UIMC1: variants seen among roughly 807,000 people sequenced by gnomAD.
UIMC1 encodes the protein ubiquitin interaction motif containing 1.
In UIMC1, 42 loss-of-function variants were observed where a neutral mutation model predicts 84.9. The observed-to-expected ratio is 0.49, with a 90% CI of 0.39 to 0.64. UIMC1 has a LOEUF of 0.64. Among genes scored for constraint, UIMC1 ranks in the 30% least tolerant of loss-of-function variants. UIMC1 has a pLI of 0.00. For missense variants in UIMC1, 825 were observed against 847.6 expected, an observed-to-expected ratio of 0.97 and a Z score of 0.33; for synonymous variants, 281 against 293.0, an observed-to-expected ratio of 0.96 and a Z score of 0.42.
intron 1 of UIMC1, among the ~76,000 whole-genome samples, chr5:177,005,650 T>C (rs1448582328): frequency 1.3e-5 from 2 of 152,030 alleles, no homozygotes; most frequent in African/African-American, 4.8e-5. Flanking sequence ...GGCTGAGAGT[T>C]GAAGCTGAAT....
chr5:176,912,660 A>T (rs976867509), intron 10 of UIMC1, among the ~76,000 whole-genome samples: 1 of 148,080 alleles, frequency 6.8e-6, no homozygotes, highest in Non-Finnish European at 1.5e-5. Flanking sequence ...TTGTATTTTT[A>T]AATTTTTATT....
At position 176,994,562 on chromosome 5, in the gene UIMC1, T is replaced by C. The variant is rs1773316527; in HGVS notation, c.-8-11939A>G. On this transcript the variant is annotated intron_variant, in intron 1 of 14. Coordinates refer to ENST00000511320, the MANE Select transcript of UIMC1 (RefSeq NM_001199298.2). ...ACTGTCATGTAAGCCAGTCATTCTG[T>C]TGCAGGAATCTGGAGACTGGAGAGA... Among the ~76,000 whole-genome samples, 2 of 151,332 alleles carry C rather than the reference T, an allele frequency of 1.3e-5. 1 individual carries two copies. The highest frequency in any genetic ancestry group is 4.9e-5 in the African/African-American group (2 of 41,160).
chr5:176,991,940 A>G (rs1267609423), intron 1 of UIMC1, among the ~76,000 whole-genome samples: 2 of 151,956 alleles, frequency 1.3e-5, no homozygotes, highest in African/African-American at 2.4e-5. Context: ...TCAAAAAAAG[A>G]AAGACCCCAC....
At chr5:176,937,660 A>C (rs2149434036) in intron 10 of UIMC1, among the ~76,000 whole-genome samples, 1 of 152,372 alleles carries the variant, frequency 6.6e-6, no homozygotes, top group East Asian at 1.9e-4. Flanking sequence ...ATTTAATGAT[A>C]TGCATAATTG....
intron 6 of UIMC1, among the ~76,000 whole-genome samples, chr5:176,960,154 A>C (rs1040329319): frequency 6.6e-6 from 1 of 152,246 alleles, no homozygotes; most frequent in African/African-American, 2.4e-5. Flanking sequence ...TTATTTTAAA[A>C]ATAAGTGAAA....
chr5:176,939,977 G>A (rs1031143895), intron 10 of UIMC1, among the ~76,000 whole-genome samples: 2 of 152,260 alleles, frequency 1.3e-5, no homozygotes, highest in East Asian at 1.9e-4. Flanking sequence ...AAATCCAACT[G>A]AACAGCATTA....
At chr5:176,953,529 C>CGT (rs1554120177) in intron 8 of UIMC1, among the ~76,000 whole-genome samples, 1 of 151,768 alleles carries the variant, frequency 6.6e-6, no homozygotes, top group Non-Finnish European at 1.5e-5. Flanking sequence ...CACACACACA[C>CGT]ACCTTATTGG....
At chr5:177,002,877 G>A (rs892814233) in intron 1 of UIMC1, among the ~76,000 whole-genome samples, 2 of 152,026 alleles carry the variant, frequency 1.3e-5, no homozygotes, top group African/African-American at 4.8e-5. Flanking sequence ...TCATTATGAG[G>A]AAACACAGGT....
intron 10 of UIMC1, among the ~76,000 whole-genome samples, chr5:176,937,561 T>C (rs980634850): frequency 6.6e-6 from 1 of 152,136 alleles, no homozygotes; most frequent in Non-Finnish European, 1.5e-5. Flanking sequence ...ATAGACAACG[T>C]CATTGAGCAA....
chr5:176,971,234 C>T (rs535622148), intron 3 of UIMC1, among the ~76,000 whole-genome samples: 18 of 152,290 alleles, frequency 1.2e-4, no homozygotes, highest in South Asian at 2.1e-4. Context: ...TGCTAAATAC[C>T]GCAACGCTTT....
intron 7 of UIMC1, 133 bp from the exon 8 acceptor site, chr5:176,956,168 T>A: frequency 1.4e-6 from 1 of 713,102 alleles, no homozygotes; most frequent in South Asian, 2.0e-5. Flanking sequence ...AAAAGCACAA[T>A]AGGAAAGCAA....
At chr5:176,970,481 G>C in intron 4 of UIMC1, 1 of 472,736 alleles carries the variant, frequency 2.1e-6, no homozygotes, top group Non-Finnish European at 3.8e-6. Flanking sequence ...TTCAGAAGCT[G>C]TCAACTTATG....
At chr5:177,014,785 CCA>C (rs1170630436) in intron 1 of UIMC1, among the ~76,000 whole-genome samples, 49 of 152,230 alleles carry the variant, frequency 3.2e-4, no homozygotes, top group African/African-American at 1.1e-3. Flanking sequence ...GGAGAACCTA[CCA>C]CAGTGCTAAA....
intron 10 of UIMC1, among the ~76,000 whole-genome samples, chr5:176,916,442 C>CTTGTGG (rs937631283): frequency 6.6e-6 from 1 of 152,150 alleles, no homozygotes; most frequent in African/African-American, 2.4e-5. Context: ...TCAGTATTGC[C>CTTGTGG]TTGTGGTGAA....
At chr5:176,926,186 T>G (rs943238740) in intron 10 of UIMC1, among the ~76,000 whole-genome samples, 2 of 152,110 alleles carry the variant, frequency 1.3e-5, no homozygotes, top group Admixed American at 1.3e-4. Flanking sequence ...GATGCTTAAT[T>G]GGATCCTTTA....
intron 1 of UIMC1, among the ~76,000 whole-genome samples, chr5:176,989,826 A>C (rs1772544995): frequency 6.6e-6 from 1 of 152,108 alleles, no homozygotes; most frequent in Non-Finnish European, 1.5e-5. Flanking sequence ...ACTATGGTCT[A>C]AATGTTTGTG....
At chr5:177,000,163 T>C (rs1271152237) in intron 1 of UIMC1, among the ~76,000 whole-genome samples, 1 of 152,166 alleles carries the variant, frequency 6.6e-6, no homozygotes, top group Admixed American at 6.5e-5. Context: ...TTTCACCGTG[T>C]TAGCCAGGAT....
At chr5:176,972,450 C>A (rs928798913) in intron 3 of UIMC1, among the ~76,000 whole-genome samples, 28 of 148,430 alleles carry the variant, frequency 1.9e-4, no homozygotes, top group Admixed American at 1.2e-3. Flanking sequence ...AATGCATAAA[C>A]CTCGGCCAGG....
chr5:176,921,842 G>A (rs532055003), intron 10 of UIMC1, among the ~76,000 whole-genome samples: 17 of 152,050 alleles, frequency 1.1e-4, no homozygotes, highest in African/African-American at 2.9e-4. Context: ...TCATTCCCTC[G>A]TTCTCAACCC....
Sources: gnomAD v4.1 joint callset for allele counts (sites outside exome capture counted in the v4.1 genomes callset) on GRCh38, gnomAD v4.1.1 for gene constraint, MANE v1.5 for transcripts, NCBI Gene and HGNC (gene_info 2026-07-23, HGNC 2026-07-21) for gene names.